The following HCLS1 variants were observed in gnomAD, a reference collection of about 807,000 sequenced individuals.
HCLS1 encodes the protein hematopoietic cell-specific Lyn substrate 1, also known as hematopoietic lineage cell-specific protein.
Under a neutral mutation model 68.6 loss-of-function variants are expected in HCLS1, and 44 were observed. That is an observed-to-expected ratio of 0.64 (90% CI 0.50 to 0.82). HCLS1 has a LOEUF of 0.82. Among genes scored for constraint, HCLS1 ranks in the 40% least tolerant of loss-of-function variants. HCLS1 has a pLI of 0.00. For missense variants in HCLS1, 602 were observed against 612.1 expected (o/e 0.98, Z 0.17); for synonymous variants, 217 against 225.8 (o/e 0.96, Z 0.35).
intron 4 of HCLS1, 31 bp downstream of exon 4, chr3:121,647,288 T>C (rs1398110075): frequency 6.2e-7 from 1 of 1,612,480 alleles, no homozygotes. Flanking sequence ...GCTTGTATTT[T>C]TTTAAAGCAA....
intron 3 of HCLS1, 116 bp from the exon 4 acceptor site, chr3:121,647,564 C>T (rs1186100246): frequency 5.8e-6 from 6 of 1,028,514 alleles, no homozygotes; most frequent in East Asian, 5.0e-5. Context: ...ATAACCTGGG[C>T]CCCCAAAATA....
intron 1 of HCLS1, among the ~76,000 whole-genome samples, chr3:121,658,739 AT>A (rs1303708120): frequency 6.6e-6 from 1 of 152,212 alleles, no homozygotes; most frequent in Non-Finnish European, 1.5e-5. Flanking sequence ...TTATGGCCTT[AT>A]TTCACTCAGG....
intron 2 of HCLS1, chr3:121,657,972 A>G (rs555134847): frequency 4.2e-5 from 15 of 354,164 alleles, no homozygotes; most frequent in African/African-American, 3.0e-4. Context: ...ATCCTGGATC[A>G]TGGGCCAGGG....
chr3:121,658,044 T>C (rs922211830), intron 2 of HCLS1: 6 of 514,336 alleles, frequency 1.2e-5, no homozygotes, highest in Non-Finnish European at 1.4e-5. Context: ...TCAATCACAC[T>C]GTCAAACTCA....
chr3:121,639,267 T>A (rs1296951386), intron 6 of HCLS1, among the ~76,000 whole-genome samples: 1 of 152,262 alleles, frequency 6.6e-6, no homozygotes, highest in Middle Eastern at 3.4e-3. Context: ...ACTTTTTTCA[T>A]GCATATAGAA....
chr3:121,652,786 A>C (rs886979347), intron 3 of HCLS1, among the ~76,000 whole-genome samples: 29 of 152,350 alleles, frequency 1.9e-4, no homozygotes, highest in African/African-American at 7.0e-4. Flanking sequence ...CAACTTATCA[A>C]GTACTTTGTC....
At chr3:121,652,667 A>G (rs1937776116) in intron 3 of HCLS1, among the ~76,000 whole-genome samples, 1 of 152,230 alleles carries the variant, frequency 6.6e-6, no homozygotes, top group Admixed American at 6.5e-5. Flanking sequence ...CTCAAAAAAA[A>G]CAAAGTTAAT....
intron 3 of HCLS1, among the ~76,000 whole-genome samples, chr3:121,648,986 T>C (rs141396640): frequency 1.0e-3 from 153 of 152,314 alleles, no homozygotes; most frequent in African/African-American, 3.4e-3. Flanking sequence ...GGCCAAAATT[T>C]ACTTTCAAAT....
At chr3:121,655,957 T>C (rs1937858182) in intron 3 of HCLS1, 1 of 151,896 alleles carries the variant, frequency 6.6e-6, no homozygotes, top group Non-Finnish European at 1.5e-5. Flanking sequence ...CAAGAGACTC[T>C]CGTGCTTCGG....
At chr3:121,635,605 T>C (rs1054739019) in intron 9 of HCLS1, 130 bp downstream of exon 9, 1 of 733,366 alleles carries the variant, frequency 1.4e-6, no homozygotes, top group Non-Finnish European at 2.4e-6. Context: ...AATCTGGGAA[T>C]ATGAGGATAG....
At chr3:121,632,988 T>C in intron 11 of HCLS1, 79 bp downstream of exon 11, 4 of 958,878 alleles carry the variant, frequency 4.2e-6, no homozygotes, top group South Asian at 3.1e-5. Context: ...ACCAGGATGG[T>C]TGGCCACCCT....
chr3:121,646,669 C>T (rs1167943702), intron 4 of HCLS1, among the ~76,000 whole-genome samples: 1 of 110,068 alleles, frequency 9.1e-6, no homozygotes, highest in Non-Finnish European at 1.7e-5. Context: ...AATATATATA[C>T]ACTTATATAT....
chr3:121,644,207 G>A (rs1314774860), intron 5 of HCLS1: 1 of 175,540 alleles, frequency 5.7e-6, no homozygotes, highest in Non-Finnish European at 1.2e-5. Flanking sequence ...GACCTAATAA[G>A]GCGTGGAACT....
intron 3 of HCLS1, among the ~76,000 whole-genome samples, chr3:121,654,719 G>T (rs913039429): frequency 4.6e-5 from 7 of 152,164 alleles, no homozygotes; most frequent in Admixed American, 4.6e-4. Context: ...GCTTTTAGTC[G>T]TCTCAGCTCT....
intron 3 of HCLS1, among the ~76,000 whole-genome samples, chr3:121,650,759 A>G (rs1280187149): frequency 1.3e-5 from 2 of 152,224 alleles, no homozygotes; most frequent in Admixed American, 1.3e-4. Context: ...TAGACACATA[A>G]AGCATTAGCC....
intron 3 of HCLS1, among the ~76,000 whole-genome samples, chr3:121,652,496 A>G (rs2107476658): frequency 6.6e-6 from 1 of 152,266 alleles, no homozygotes; most frequent in South Asian, 2.1e-4. Flanking sequence ...TCTACTAAAA[A>G]TACACAAATT....
intron 12 of HCLS1, 72 bp downstream of exon 12, chr3:121,632,260 A>G: frequency 6.2e-7 from 1 of 1,602,706 alleles, no homozygotes; most frequent in South Asian, 1.1e-5. Flanking sequence ...CTGGGGCAAT[A>G]GAGAAATTCT....
In HCLS1 at chr3:121,658,339, C is replaced by T; in HGVS notation, c.9G>A (p.Lys3=). The T allele has an allele frequency of 6.2e-7, 1 of 1,612,946 alleles. No individual in the cohort carries two copies. The highest frequency in any genetic ancestry group is 8.5e-7 in the Non-Finnish European group (1 of 1,179,006). Residue 3 remains lysine, a synonymous_variant, in exon 2 of 14, where the codon AAG becomes AAA. Coordinates refer to ENST00000314583, the MANE Select transcript of HCLS1 (RefSeq NM_005335.6). ...CAGACACATCATGGCCCACTACAGACTTCCACATCTGAGAGTGACCGGAGA... is the reference window on the plus strand; with the variant it reads ...CAGACACATCATGGCCCACTACAGATTTCCACATCTGAGAGTGACCGGAGA... MW[K]SVVGHDVSVS...
chr3:121,658,167 G>A lies in HCLS1; in HGVS notation c.84+97C>T, dbSNP rs1161296287. 11 of 883,244 alleles carry A rather than the reference G, an allele frequency of 1.2e-5. No homozygotes were observed. In the East Asian group the frequency reaches 1.5e-4, roughly 12 times the overall value. The allele number at this position is 883,244 out of a possible 1,614,324, so 54.7% of individuals were successfully genotyped here. ...ATGAGGGCTGTCTCAGTCCTAGAAG[G>A]CCCTTTTCCAAGCATCCTCAAAGAT... On this transcript the variant is annotated intron_variant, in intron 2 of 13. Transcript: ENST00000314583.
Sources: allele counts gnomAD v4.1 joint callset (sites outside exome capture counted in the v4.1 genomes callset), GRCh38; gene constraint gnomAD v4.1.1; transcripts MANE v1.5; gene names NCBI Gene and HGNC (gene_info 2026-07-23, HGNC 2026-07-21).